Variants in VTI1A observed in about 807,000 individuals in gnomAD.
VTI1A encodes vesicle transport through interaction with t-SNAREs 1A, also known as vesicle transport through interaction with t-SNAREs homolog 1A.
A neutral mutation model predicts 34.9 loss-of-function variants in VTI1A; 22 were observed. The ratio of observed to expected loss-of-function variants is 0.63; its 90% CI spans 0.45 to 0.90. VTI1A has a LOEUF of 0.90. Among genes scored for constraint, VTI1A ranks in the 40% least tolerant of loss-of-function variants. The pLI is 0.00. For missense variants in VTI1A, 268 were observed against 275.6 expected (o/e 0.97, Z 0.20); for synonymous variants, 87 against 97.3 (o/e 0.89, Z 0.62).
chr10:112,720,975 A>C (rs1312948699), intron 7 of VTI1A, among the ~76,000 whole-genome samples: 1 of 152,158 alleles, frequency 6.6e-6, no homozygotes, highest in African/African-American at 2.4e-5. Flanking sequence ...AAAATGGTGA[A>C]AATGCCCTGC....
At chr10:112,765,525 G>A (rs1851619065) in intron 7 of VTI1A, among the ~76,000 whole-genome samples, 1 of 152,124 alleles carries the variant, frequency 6.6e-6, no homozygotes, top group African/African-American at 2.4e-5. Flanking sequence ...TTCCTTTTAA[G>A]CATTACATTT....
At chr10:112,629,000 C>T (rs1846028976) in intron 5 of VTI1A, among the ~76,000 whole-genome samples, 1 of 152,136 alleles carries the variant, frequency 6.6e-6, no homozygotes, top group South Asian at 2.1e-4. Flanking sequence ...GACCCATTAC[C>T]TCTCTTATCA....
intron 5 of VTI1A, among the ~76,000 whole-genome samples, chr10:112,602,668 A>G (rs1218369434): frequency 6.6e-6 from 1 of 152,232 alleles, no homozygotes; most frequent in Non-Finnish European, 1.5e-5. Context: ...GTAAGTCTTT[A>G]CTATCAGGCA....
At chr10:112,641,624 G>A (rs1334617434) in intron 5 of VTI1A, among the ~76,000 whole-genome samples, 1 of 152,164 alleles carries the variant, frequency 6.6e-6, no homozygotes, top group Non-Finnish European at 1.5e-5. Context: ...CCCACTCGTA[G>A]AAGGTCACCC....
At chr10:112,560,888 C>T (rs1008045320) in intron 5 of VTI1A, among the ~76,000 whole-genome samples, 2 of 152,004 alleles carry the variant, frequency 1.3e-5, no homozygotes, top group African/African-American at 2.4e-5. Context: ...TGAGCCACCG[C>T]GCCTGGCCAG....
chr10:112,724,900 A>G (rs528039686), intron 7 of VTI1A, among the ~76,000 whole-genome samples: 1 of 151,844 alleles, frequency 6.6e-6, no homozygotes, highest in East Asian at 1.9e-4. Context: ...AGCTACCAAC[A>G]TGTCACCCTT....
At chr10:112,519,492 A>C (rs1350142612) in intron 3 of VTI1A, among the ~76,000 whole-genome samples, 3 of 152,158 alleles carry the variant, frequency 2.0e-5, no homozygotes, top group Non-Finnish European at 2.9e-5. Context: ...CAAAGAATAA[A>C]GGTTTGTTTG....
chr10:112,690,911 C>T (rs1181514265), intron 7 of VTI1A, among the ~76,000 whole-genome samples: 1 of 152,082 alleles, frequency 6.6e-6, no homozygotes, highest in Non-Finnish European at 1.5e-5. Flanking sequence ...CATAGGTGCC[C>T]CTGCCCCAGC....
At chr10:112,839,655 G>T in the VTI1A span, among the ~76,000 whole-genome samples, 3 of 152,266 alleles carry the variant, frequency 2.0e-5, no homozygotes, top group East Asian at 5.8e-4. Flanking sequence ...TGAGTTAGGG[G>T]CACTGCTGCT....
intron 3 of VTI1A, among the ~76,000 whole-genome samples, chr10:112,526,758 C>T (rs1850241189): frequency 6.6e-6 from 1 of 151,406 alleles, no homozygotes; most frequent in African/African-American, 2.4e-5. Context: ...GTGAGTTTTA[C>T]AGACATGCAG....
At chr10:112,722,371 G>A (rs1248786805) in intron 7 of VTI1A, among the ~76,000 whole-genome samples, 3 of 151,952 alleles carry the variant, frequency 2.0e-5, no homozygotes, top group Admixed American at 1.3e-4. Flanking sequence ...TGGGTGGGGG[G>A]ATGGGGGAGG....
intron 7 of VTI1A, among the ~76,000 whole-genome samples, chr10:112,811,906 T>A (rs1254382382): frequency 1.2e-4 from 18 of 152,146 alleles, no homozygotes; most frequent in Non-Finnish European, 2.6e-4. Flanking sequence ...GTTTCCAGGC[T>A]GGGAGGAGAC....
chr10:112,700,023 G>T (rs1035334140), intron 7 of VTI1A, among the ~76,000 whole-genome samples: 13 of 148,514 alleles, frequency 8.8e-5, no homozygotes, highest in African/African-American at 3.2e-4. Flanking sequence ...AGAGGCTGAG[G>T]CAGAGAATTG....
At chr10:112,850,636 C>T in the VTI1A span, among the ~76,000 whole-genome samples, 2 of 152,274 alleles carry the variant, frequency 1.3e-5, no homozygotes, top group East Asian at 3.9e-4. Context: ...AGACTTGGAA[C>T]TTAATTTTAT....
At chr10:112,694,726 T>C (rs1174529058) in intron 7 of VTI1A, among the ~76,000 whole-genome samples, 2 of 152,048 alleles carry the variant, frequency 1.3e-5, no homozygotes, top group African/African-American at 2.4e-5. Context: ...CCCAGCACTT[T>C]GGGAGGCGGA....
At chr10:112,852,356 C>T in the VTI1A span, among the ~76,000 whole-genome samples, 1 of 152,244 alleles carries the variant, frequency 6.6e-6, no homozygotes, top group Non-Finnish European at 1.5e-5. Flanking sequence ...GAGAAAGCCA[C>T]AGGCCCTCCC....
intron 7 of VTI1A, among the ~76,000 whole-genome samples, chr10:112,780,509 T>C (rs1852093050): frequency 6.6e-6 from 1 of 152,100 alleles, no homozygotes; most frequent in Non-Finnish European, 1.5e-5. Flanking sequence ...CTCCTTTGCT[T>C]CTTGCAGAAG....
At chr10:112,594,284 G>T (rs1006281081) in intron 5 of VTI1A, among the ~76,000 whole-genome samples, 2 of 152,058 alleles carry the variant, frequency 1.3e-5, no homozygotes, top group Non-Finnish European at 2.9e-5. Flanking sequence ...TCATAACCCC[G>T]GAAGTTTTAA....
At chr10:112,821,997 C>A (rs1377134119), downstream of VTI1A, among the ~76,000 whole-genome samples, 3 of 152,242 alleles carry the variant, frequency 2.0e-5, no homozygotes, top group African/African-American at 7.2e-5. Context: ...CCCTGGAACA[C>A]TGGAAAAATG....
Sources: allele counts gnomAD v4.1 joint callset (sites outside exome capture counted in the v4.1 genomes callset), GRCh38; gene constraint gnomAD v4.1.1; transcripts MANE v1.5; gene names NCBI Gene and HGNC (gene_info 2026-07-23, HGNC 2026-07-21).